Variants in IQCM observed in about 807,000 individuals in gnomAD.
The protein encoded by IQCM is IQ motif containing M.
A neutral mutation model predicts 57.6 loss-of-function variants in IQCM; 45 were observed. The observed-to-expected ratio is 0.78, with a 90% CI of 0.62 to 1.00. The LOEUF (loss-of-function observed/expected upper bound fraction) is 1.00, where lower values mean the gene tolerates loss of function less well. IQCM is among the 50% of genes least tolerant of loss of function. The pLI, the probability that IQCM is intolerant of heterozygous loss-of-function variation, is 0.00. For missense variants in IQCM, 468 were observed against 511.6 expected (o/e 0.91, Z 0.82); for synonymous variants, 148 against 158.9 (o/e 0.93, Z 0.51).
chr4:149,520,627 G>GT (rs997846104), intron 12 of IQCM, among the ~76,000 whole-genome samples: 1 of 152,044 alleles, frequency 6.6e-6, no homozygotes, highest in Admixed American at 6.5e-5. Context: ...TATACCAGGT[G>GT]TTTTTTTCCT....
chr4:149,553,662 T>C (rs1242706068), intron 10 of IQCM, among the ~76,000 whole-genome samples: 8 of 152,226 alleles, frequency 5.3e-5, no homozygotes, highest in African/African-American at 7.2e-5. Context: ...CAGTCCACTC[T>C]GGGTGCTCAA....
chr4:149,353,284 A>T (rs1480131272), intron 13 of IQCM, among the ~76,000 whole-genome samples: 1 of 152,204 alleles, frequency 6.6e-6, no homozygotes, highest in African/African-American at 2.4e-5. Context: ...TCTAGATAAC[A>T]AATGTTAGCA....
At chr4:149,724,784 T>C (rs1019376966) in intron 5 of IQCM, among the ~76,000 whole-genome samples, 6 of 152,044 alleles carry the variant, frequency 3.9e-5, no homozygotes. Flanking sequence ...AAATTATATA[T>C]TATATAGTAC....
At chr4:149,770,880 G>T (rs1469138192) in intron 2 of IQCM, among the ~76,000 whole-genome samples, 1 of 151,982 alleles carries the variant, frequency 6.6e-6, no homozygotes, top group Non-Finnish European at 1.5e-5. Flanking sequence ...ACGACACAAA[G>T]ATGTCTATTC....
chr4:149,450,544 T>A (rs893186127), intron 12 of IQCM, among the ~76,000 whole-genome samples: 1 of 151,544 alleles, frequency 6.6e-6, no homozygotes, highest in African/African-American at 2.4e-5. Flanking sequence ...TAAAAACTGG[T>A]CAAAAGATTT....
chr4:149,391,708 ATTGTAC>A (rs1359230692), intron 13 of IQCM, among the ~76,000 whole-genome samples: 8 of 151,900 alleles, frequency 5.3e-5, no homozygotes, highest in African/African-American at 1.9e-4. Context: ...GTATTTTCTA[ATTGTAC>A]TTGTAATTTC....
chr4:149,388,774 T>TATG (rs1731631483), intron 13 of IQCM, among the ~76,000 whole-genome samples: 3 of 144,822 alleles, frequency 2.1e-5, no homozygotes, highest in African/African-American at 7.5e-5. Flanking sequence ...CATATATATA[T>TATG]ACACACACAC....
intron 7 of IQCM, among the ~76,000 whole-genome samples, chr4:149,667,544 C>T (rs557784038): frequency 1.6e-4 from 25 of 151,996 alleles, no homozygotes; most frequent in Non-Finnish European, 2.9e-4. Context: ...CACAACTCCT[C>T]CCCAGCAAGG....
intron 5 of IQCM, among the ~76,000 whole-genome samples, chr4:149,687,536 T>C (rs1441291039): frequency 1.3e-5 from 2 of 151,540 alleles, no homozygotes; most frequent in African/African-American, 2.4e-5. Flanking sequence ...GGAGAAGAAA[T>C]TGATGCCAAT....
intron 5 of IQCM, among the ~76,000 whole-genome samples, chr4:149,704,005 G>A (rs1281194188): frequency 6.6e-6 from 1 of 151,830 alleles, no homozygotes; most frequent in African/African-American, 2.4e-5. Context: ...TTTGTGAAAA[G>A]TGTGAAAAGG....
intron 13 of IQCM, among the ~76,000 whole-genome samples, chr4:149,388,386 C>G (rs1486838164): frequency 1.3e-5 from 2 of 150,788 alleles, no homozygotes; most frequent in African/African-American, 2.4e-5. Context: ...ATTTTGCCAT[C>G]ATAGTGAGCG....
At chr4:149,364,488 T>C (rs1270222178) in intron 13 of IQCM, among the ~76,000 whole-genome samples, 1 of 152,134 alleles carries the variant, frequency 6.6e-6, no homozygotes, top group Non-Finnish European at 1.5e-5. Context: ...ACTGGAATTA[T>C]AGCAGATATT....
chr4:149,431,587 T>C (rs1303415379), intron 13 of IQCM, among the ~76,000 whole-genome samples: 1 of 152,022 alleles, frequency 6.6e-6, no homozygotes, highest in Non-Finnish European at 1.5e-5. Flanking sequence ...ATAATCAAGA[T>C]ACAGAATGGT....
At chr4:149,724,880 T>G (rs1424480473) in intron 5 of IQCM, among the ~76,000 whole-genome samples, 1 of 151,970 alleles carries the variant, frequency 6.6e-6, no homozygotes, top group East Asian at 1.9e-4. Flanking sequence ...TACATGAAAT[T>G]TCTAATTTCT....
chr4:149,731,862 A>C (rs928906466), intron 5 of IQCM, among the ~76,000 whole-genome samples: 2 of 143,156 alleles, frequency 1.4e-5, no homozygotes, highest in African/African-American at 5.2e-5. Flanking sequence ...TATAACGTGT[A>C]TTTTATTTAA....
intron 13 of IQCM, among the ~76,000 whole-genome samples, chr4:149,431,931 T>TTATATA (rs370111091): frequency 2.5e-4 from 37 of 146,656 alleles, no homozygotes; most frequent in African/African-American, 8.4e-4. Context: ...ATAATGTTGA[T>TTATATA]TATATATATA....
intron 13 of IQCM, among the ~76,000 whole-genome samples, chr4:149,393,249 C>A (rs1257331901): frequency 2.0e-5 from 3 of 151,810 alleles, no homozygotes; most frequent in Non-Finnish European, 2.9e-5. Flanking sequence ...AATTAGATTT[C>A]TGGAGATTAA....
At chr4:149,528,166 A>G (rs1272641219) in intron 12 of IQCM, among the ~76,000 whole-genome samples, 1 of 151,804 alleles carries the variant, frequency 6.6e-6, no homozygotes, top group Non-Finnish European at 1.5e-5. Context: ...TTGTATTTTT[A>G]TTAGAGATGG....
At chr4:149,506,028 C>T (rs1743779158) in intron 12 of IQCM, among the ~76,000 whole-genome samples, 2 of 152,204 alleles carry the variant, frequency 1.3e-5, no homozygotes, top group African/African-American at 4.8e-5. Context: ...TACTTATCCA[C>T]AAGATCTAGC....
Sources: gnomAD v4.1 joint callset for allele counts (sites outside exome capture counted in the v4.1 genomes callset) on GRCh38, gnomAD v4.1.1 for gene constraint, MANE v1.5 for transcripts, NCBI Gene and HGNC (gene_info 2026-07-23, HGNC 2026-07-21) for gene names.